Variants in C15orf39 observed in about 807,000 individuals in gnomAD.
C15orf39 encodes PRMT2 interacting protein, also known as uncharacterized protein C15orf39.
A neutral mutation model predicts 53.9 loss-of-function variants in C15orf39; 24 were observed. The observed-to-expected ratio is 0.45, with a 90% CI of 0.32 to 0.63. C15orf39 has a LOEUF of 0.63. Ranked by LOEUF, C15orf39 falls within the 20% of genes least tolerant of loss-of-function variation. The pLI is 0.04. For missense variants in C15orf39, 1,271 were observed against 1,347.9 expected, an observed-to-expected ratio of 0.94 and a Z score of 0.89; for synonymous variants, 569 against 576.5, an observed-to-expected ratio of 0.99 and a Z score of 0.19.
At position 75,206,010 on chromosome 15, in the gene C15orf39, A is replaced by G; in HGVS notation, c.-39A>G. 1 of 1,501,890 alleles carries G rather than the reference A, an allele frequency of 6.7e-7. No individual in the cohort carries two copies. The highest frequency in any genetic ancestry group is 1.3e-5 in the South Asian group (1 of 77,308). 93.0% of individuals were successfully genotyped at this position (1,501,890 alleles called of 1,614,324 possible). On this transcript the variant is annotated 5_prime_UTR_variant, in exon 2 of 3. Transcript: ENST00000394987. ...TCTCTCTATCCCAGGTCAGAAGTTG[A>G]GTAGCAGGGGCCTAGGAGGGCTCGA...
rs766372786 is a variant in C15orf39 at position 75,208,240 on chromosome 15, G to A, written c.2192G>A (p.Arg731Gln). The change falls in exon 2 of 3, where the codon CGA (arginine) becomes CAA (glutamine). Residue 731 changes from arginine (R) to glutamine (Q), a missense_variant. By Grantham distance (43) the Arg-to-Gln change is conservative. Around this residue, in one of 2 missense-constraint regions of C15orf39, gnomAD observed 994 missense variants for 993.7 expected, o/e 1.00. Transcript: ENST00000394987. ...PAPAPSPAPA[R>Q]AQAPASARDP... The stretch of plus-strand genomic sequence containing the variant: ...CCAGCTCCATCCCCTGCTCCGGCTC[G>A]AGCTCAGGCTCCAGCTTCAGCCCGG... 7.5e-6 allele frequency: 12 copies of A among 1,608,226 alleles called. No individual in the cohort carries two copies. The highest frequency in any genetic ancestry group is 9.3e-6 in the Non-Finnish European group (11 of 1,177,364).
rs773828454 is a variant in C15orf39 at position 75,208,223 on chromosome 15, A to G, written c.2175A>G (p.Pro725=). Residue 725 remains proline, a synonymous_variant, in exon 2 of 3, where the codon CCA becomes CCG. Coordinates refer to ENST00000394987, the MANE Select transcript of C15orf39 (RefSeq NM_015492.5). ...AVASPAPAPA[P]SPAPARAQAP... is the part of the protein sequence containing the mutation. ...CCTCCCCTGCCCCTGCTCCAGCTCC[A>G]TCCCCTGCTCCGGCTCGAGCTCAGG... 1.2e-5 allele frequency: 20 copies of G among 1,612,718 alleles called. No homozygotes were observed. Among genetic ancestry groups the G allele is most frequent in the African/African-American group, 4.0e-5 (3 of 74,810 alleles).
At chr15:75,201,838 G>GCCCCGC (rs1444270101), upstream of C15orf39, 8 of 151,450 alleles carry the variant, frequency 5.3e-5, no homozygotes, top group African/African-American at 7.2e-5. This position sits in a 1 kb window ranked among gnomAD's most constrained non-coding sequence, Gnocchi z 4.7. Flanking sequence ...CCTGCGAGTC[G>GCCCCGC]CCCCGCCCCC....
rs373889748 is a variant in C15orf39, at chr15:75,211,737, C to G, written c.*621C>G. On this transcript the variant is annotated 3_prime_UTR_variant, in exon 3 of 3. Coordinates refer to ENST00000394987, the MANE Select transcript of C15orf39 (RefSeq NM_015492.5). ...CCTGAGGGAGCCTGCACTCCCTGCT[C>G]CCAATCCCCGCTACTGGTGCAGGGA... 3.9e-5 allele frequency: 6 copies of G among 152,324 alleles called. No individual in the cohort carries two copies. The East Asian group carries it at 9.6e-4, about 24-fold the overall frequency. 9.4% of individuals were successfully genotyped at this position (152,324 alleles called of 1,614,324 possible). A position where few individuals can be genotyped will look rare whatever the true frequency, so the allele number is the denominator to read the frequency against.
At chr15:75,201,608 C>T (rs1041154807), upstream of C15orf39, among the ~76,000 whole-genome samples, 2 of 152,250 alleles carry the variant, frequency 1.3e-5, no homozygotes, top group Non-Finnish European at 2.9e-5. This position sits in a 1 kb window ranked among gnomAD's most constrained non-coding sequence, Gnocchi z 4.7. Flanking sequence ...GCGGCAGGCG[C>T]AAGGTCACAT....
At chr15:75,200,570 T>G (rs2070394637), upstream of C15orf39, among the ~76,000 whole-genome samples, 1 of 152,184 alleles carries the variant, frequency 6.6e-6, no homozygotes, top group Non-Finnish European at 1.5e-5. Context: ...CCCACGGGGC[T>G]GCAGGCTGGG....
Position 75,208,203 on chromosome 15 carries a change from C to G in C15orf39, c.2155C>G (p.Pro719Ala), listed in dbSNP as rs1290729556. ...PSPPAVAVAS[P>A]APAPAPSPAP... is the part of the protein sequence containing the mutation. The stretch of plus-strand genomic sequence containing the variant: ...CCCTCCAGCCGTAGCTGTGGCCTCC[C>G]CTGCCCCTGCTCCAGCTCCATCCCC... Residue 719 changes from proline to alanine, a missense_variant, in exon 2 of 3, where the codon CCT becomes GCT. Pro to Ala is a conservative substitution (Grantham distance 27). Transcript: ENST00000394987. 1 of 1,613,698 alleles carries G rather than the reference C, an allele frequency of 6.2e-7. No individual in the cohort carries two copies. The highest frequency in any genetic ancestry group is 8.5e-7 in the Non-Finnish European group (1 of 1,180,004).
At position 75,210,683 on chromosome 15, in the gene C15orf39, T is replaced by C. The variant is rs1281920701; in HGVS notation, c.2777-66T>C. The C allele has an allele frequency of 2.0e-6, 3 of 1,527,036 alleles. No individual in the cohort carries two copies. The African/African-American group carries it at 4.1e-5, about 21-fold the overall frequency. The allele number at this position is 1,527,036 out of a possible 1,614,324, so 94.6% of individuals were successfully genotyped here. ...GAGCAGAAGCACTGTTTGGATGGCTTTGGAAGCCAGGAGGTGGGACCTGAG... is the reference window on the plus strand; with the variant it reads ...GAGCAGAAGCACTGTTTGGATGGCTCTGGAAGCCAGGAGGTGGGACCTGAG... On this transcript the variant is annotated intron_variant, in intron 2 of 2. Transcript: ENST00000394987.
upstream of C15orf39, among the ~76,000 whole-genome samples, chr15:75,200,710 C>T (rs1368506186): frequency 6.6e-6 from 1 of 152,160 alleles, no homozygotes; most frequent in Non-Finnish European, 1.5e-5. Flanking sequence ...TCCCAGCCTG[C>T]TGAGTGACCT....
At chr15:75,205,820 AATAC>A (rs2070433051) in intron 1 of C15orf39, among the ~76,000 whole-genome samples, 175 bp from the exon 2 acceptor site, 1 of 152,140 alleles carries the variant, frequency 6.6e-6, no homozygotes, top group Non-Finnish European at 1.5e-5. Flanking sequence ...TGCCTCAAAA[AATAC>A]ATACACGAGT....
At position 75,211,005 on chromosome 15, in the gene C15orf39, G is replaced by A. The variant is rs1470280244; in HGVS notation, c.3033G>A (p.Glu1011=). 3.1e-6 allele frequency: 5 copies of A among 1,612,054 alleles called. No individual in the cohort carries two copies. Among genetic ancestry groups the A allele is most frequent in the African/African-American group, 1.3e-5 (1 of 74,926 alleles). The part of the protein sequence containing the change: ...TLKARFRSLL[E]TAWLNGLALP... ...AGGCCCGCTTCCGCAGTCTGCTGGAGACCGCCTGGCTCAATGGCCTGGCTC... is the reference window on the plus strand; with the variant it reads ...AGGCCCGCTTCCGCAGTCTGCTGGAAACCGCCTGGCTCAATGGCCTGGCTC... Residue 1011 remains glutamate, a synonymous_variant, in exon 3 of 3, where the codon GAG becomes GAA. Transcript: ENST00000394987.
At chr15:75,200,422 CGTCCTAG>C (rs2070393602), upstream of C15orf39, among the ~76,000 whole-genome samples, 1 of 152,166 alleles carries the variant, frequency 6.6e-6, no homozygotes. Context: ...ACAACCTGAG[CGTCCTAG>C]ACCCCAAGGG....
rs964150293 is a variant in C15orf39, at chr15:75,208,195, T to G, written c.2147T>G (p.Val716Gly). The change falls in exon 2 of 3, where the codon GTG becomes GGG. Residue 716 changes from valine (V) to glycine (G), a missense_variant. Val to Gly is a moderately radical substitution (Grantham distance 109). This residue lies in a region of C15orf39 where 994 missense variants were observed against 993.7 expected (regional missense o/e 1.00). Transcript: ENST00000394987. The part of the protein sequence containing the change: ...LALPSPPAVA[V>G]ASPAPAPAPS... ...CTGCCCAGCCCTCCAGCCGTAGCTGTGGCCTCCCCTGCCCCTGCTCCAGCT... is the reference window on the plus strand; with the variant it reads ...CTGCCCAGCCCTCCAGCCGTAGCTGGGGCCTCCCCTGCCCCTGCTCCAGCT... 1 of 1,613,794 alleles carries G rather than the reference T, an allele frequency of 6.2e-7. No individual in the cohort carries two copies. The highest frequency in any genetic ancestry group is 1.3e-5 in the African/African-American group (1 of 75,016).
Position 75,207,617 on chromosome 15 carries a change from C to T in C15orf39, c.1569C>T (p.Ala523=). 1 of 1,613,344 alleles carries T rather than the reference C, an allele frequency of 6.2e-7. No homozygotes were observed. Among genetic ancestry groups the T allele is most frequent in the Non-Finnish European group, 8.5e-7 (1 of 1,179,928 alleles). Residue 523 remains alanine (A), a synonymous_variant, in exon 2 of 3, where the codon GCC becomes GCT. Coordinates refer to ENST00000394987, the MANE Select transcript of C15orf39 (RefSeq NM_015492.5). Reference sequence around the variant, plus strand: ...ATCTGGATGTGCCGGCACCCGAGGCCACAACTGAGCCTGACTCTGCCACAG... The same window carrying T: ...ATCTGGATGTGCCGGCACCCGAGGCTACAACTGAGCCTGACTCTGCCACAG... ...RDYLDVPAPE[A]TTEPDSATAE...
Position 75,208,703 on chromosome 15 carries a change from G to A in C15orf39, c.2655G>A (p.Arg885=). The part of the protein sequence containing the change: ...PTTLSEERAL[R]ELALPGCTSR... ...CGCTGTCGGAGGAGCGGGCACTGCG[G>A]GAGCTCGCCCTGCCAGGCTGCACCT... The change falls in exon 2 of 3, where the codon CGG becomes CGA. Residue 885 remains arginine (R), a synonymous_variant. Coordinates refer to ENST00000394987, the MANE Select transcript of C15orf39 (RefSeq NM_015492.5). 3 of 1,607,404 alleles carry A rather than the reference G, an allele frequency of 1.9e-6. No homozygotes were observed. The highest frequency in any genetic ancestry group is 1.7e-4 in the Middle Eastern group (1 of 5,810).
chr15:75,210,087 C>A (rs1452982514), intron 2 of C15orf39, among the ~76,000 whole-genome samples: 1 of 152,150 alleles, frequency 6.6e-6, no homozygotes, highest in East Asian at 1.9e-4. Context: ...GCTGCCTGAT[C>A]AGCAGTGGAG....
At position 75,207,521 on chromosome 15, in the gene C15orf39, C is replaced by T. The variant is rs771061251; in HGVS notation, c.1473C>T (p.Gly491=). ...RECQSLPQKE[G]ARPPSSPPMP... is the part of the protein sequence containing the mutation. The stretch of plus-strand genomic sequence containing the variant: ...GCCAGTCTCTTCCACAGAAGGAGGG[C>T]GCAAGGCCACCCAGCTCTCCACCAA... The change falls in exon 2 of 3, where the codon GGC becomes GGT. Residue 491 remains glycine, a synonymous_variant. Coordinates refer to ENST00000394987, the MANE Select transcript of C15orf39 (RefSeq NM_015492.5). 15 of 1,612,286 alleles carry T rather than the reference C, an allele frequency of 9.3e-6. No individual in the cohort carries two copies. Among genetic ancestry groups the T allele is most frequent in the East Asian group, 4.5e-5 (2 of 44,826 alleles).
Position 75,208,414 on chromosome 15 carries a change from A to G in C15orf39, c.2366A>G (p.Lys789Arg). The change falls in exon 2 of 3, where the codon AAG becomes AGG. Residue 789 changes from lysine to arginine, a missense_variant. This residue lies in a region of C15orf39 where 277 missense variants were observed against 354.1 expected (regional missense o/e 0.78). Coordinates refer to ENST00000394987, the MANE Select transcript of C15orf39 (RefSeq NM_015492.5). ...SGSVAHSPPE[K>R]LREWLETAGP... is the part of the protein sequence containing the mutation. Reference sequence around the variant, plus strand: ...TCCGTCGCCCACTCTCCTCCAGAGAAGCTTCGCGAGTGGCTAGAGACGGCT... The same window carrying G: ...TCCGTCGCCCACTCTCCTCCAGAGAGGCTTCGCGAGTGGCTAGAGACGGCT... 6.2e-7 allele frequency: 1 copy of G among 1,607,050 alleles called. No homozygotes were observed. Among genetic ancestry groups the G allele is most frequent in the Admixed American group, 1.7e-5 (1 of 59,498 alleles).
At position 75,201,982 on chromosome 15, in the gene C15orf39, G is replaced by C. The variant is rs1319139965; in HGVS notation, c.-128G>C. 1 of 152,092 alleles carries C rather than the reference G, an allele frequency of 6.6e-6. No homozygotes were observed. Among genetic ancestry groups the C allele is most frequent in the Admixed American group, 6.6e-5 (1 of 15,260 alleles). The allele number at this position is 152,092 out of a possible 1,614,324, so 9.4% of individuals were successfully genotyped here. On this transcript the variant is annotated 5_prime_UTR_variant, in exon 1 of 3. Coordinates refer to ENST00000394987, the MANE Select transcript of C15orf39 (RefSeq NM_015492.5). This position sits in a 1 kb window ranked among gnomAD's most constrained non-coding sequence, Gnocchi z 4.7. ...GCAGGGCCCGGTCGGACTAGGACCCGCGGCCTGAGAGACGCTGGAGGATGC... is the reference window on the plus strand; with the variant it reads ...GCAGGGCCCGGTCGGACTAGGACCCCCGGCCTGAGAGACGCTGGAGGATGC...
Sources: gnomAD v4.1 joint callset for allele counts (sites outside exome capture counted in the v4.1 genomes callset) on GRCh38, gnomAD v4.1.1 for gene constraint, gnomAD v4.1.1 regional missense constraint, Gnocchi (gnomAD v3.1) non-coding constraint, MANE v1.5 for transcripts, NCBI Gene and HGNC (gene_info 2026-07-23, HGNC 2026-07-21) for gene names.